DLG2: variants seen among roughly 807,000 people sequenced by gnomAD.
DLG2 encodes discs large MAGUK scaffold protein 2.
Under a neutral mutation model 132.5 loss-of-function variants are expected in DLG2, and 45 were observed. The observed-to-expected ratio is 0.34, with a 90% confidence interval of 0.27 to 0.44. The LOEUF (loss-of-function observed/expected upper bound fraction) is 0.44, where lower values mean the gene tolerates loss of function less well. DLG2 is among the 20% of genes least tolerant of loss of function. The pLI is 1.00. For missense variants in DLG2, 1,045 were observed against 1,196.9 expected (o/e 0.87, Z 1.87); for synonymous variants, 424 against 419.6 (o/e 1.01, Z -0.13).
intron 4 of DLG2, among the ~76,000 whole-genome samples, chr11:85,248,200 T>A (rs1024177315): frequency 2.0e-5 from 3 of 152,074 alleles, no homozygotes; most frequent in Non-Finnish European, 4.4e-5. Context: ...ACAAACGAAC[T>A]GAGGCCTGGT....
intron 7 of DLG2, among the ~76,000 whole-genome samples, chr11:84,342,242 G>A (rs1230527833): frequency 6.6e-6 from 1 of 152,028 alleles, no homozygotes; most frequent in Non-Finnish European, 1.5e-5. Flanking sequence ...ATCCCAACTG[G>A]GGAGAAATGT....
intron 3 of DLG2, among the ~76,000 whole-genome samples, chr11:85,496,270 T>A (rs917319202): frequency 6.6e-6 from 1 of 152,178 alleles, no homozygotes; most frequent in African/African-American, 2.4e-5. Flanking sequence ...GCTCAGCAGG[T>A]CTCACTCCCA....
At chr11:84,058,998 C>G (rs1191099466) in intron 11 of DLG2, among the ~76,000 whole-genome samples, 2 of 151,890 alleles carry the variant, frequency 1.3e-5, no homozygotes, top group Non-Finnish European at 2.9e-5. Flanking sequence ...CCATTTGTAT[C>G]TGAAAAATTA....
At chr11:85,524,714 A>C (rs2074605630) in intron 3 of DLG2, among the ~76,000 whole-genome samples, 1 of 152,104 alleles carries the variant, frequency 6.6e-6, no homozygotes, top group African/African-American at 2.4e-5. Context: ...GGTGGGTCTC[A>C]AGCTCCTGGA....
chr11:84,127,277 C>T (rs993813218), intron 9 of DLG2, among the ~76,000 whole-genome samples: 28 of 152,274 alleles, frequency 1.8e-4, no homozygotes, highest in African/African-American at 5.1e-4. Flanking sequence ...TAGGATTGAA[C>T]TCTCAGCATA....
chr11:84,249,801 G>A (rs139334006), intron 8 of DLG2, among the ~76,000 whole-genome samples: 119 of 152,212 alleles, frequency 7.8e-4, no homozygotes, highest in African/African-American at 2.6e-3. Context: ...CCTTGTTTCC[G>A]GTCTGGTCCC....
intron 3 of DLG2, among the ~76,000 whole-genome samples, chr11:85,467,942 G>A (rs1396800241): frequency 6.6e-6 from 1 of 152,076 alleles, no homozygotes; most frequent in Non-Finnish European, 1.5e-5. Flanking sequence ...TCTGGTCCTG[G>A]ACTTTTTTTG....
intron 7 of DLG2, among the ~76,000 whole-genome samples, chr11:84,274,947 T>C (rs1383550965): frequency 6.6e-6 from 1 of 152,204 alleles, no homozygotes; most frequent in Non-Finnish European, 1.5e-5. Flanking sequence ...TTCTTCTCCA[T>C]GCATTGTCGA....
intron 6 of DLG2, among the ~76,000 whole-genome samples, chr11:84,885,004 A>G (rs1372343505): frequency 6.6e-6 from 1 of 152,018 alleles, no homozygotes. Context: ...AACCAACAAC[A>G]TCATCATGGC....
In DLG2 at chr11:83,633,204, T is replaced by C. The variant is rs367792538; in HGVS notation, c.1940+7A>G. 6.1e-5 allele frequency: 98 copies of C among 1,612,716 alleles called. No homozygotes were observed. The highest frequency in any genetic ancestry group is 7.1e-5 in the Non-Finnish European group (84 of 1,178,962). ...AAGTGCAGATAGAGAAATACTCCTT[T>C]GCCTACCTGACGTAGAGGGAGCGTT... On this transcript the variant is annotated splice_region_variant and intron_variant, in intron 19 of 27. Transcript: ENST00000376104.
At chr11:84,269,384 C>T (rs184932269) in intron 7 of DLG2, among the ~76,000 whole-genome samples, 1 of 152,190 alleles carries the variant, frequency 6.6e-6, no homozygotes, top group Non-Finnish European at 1.5e-5. Flanking sequence ...CTGTTTCCTC[C>T]ACTTGGAATG....
At chr11:84,692,161 G>A (rs1158616289) in intron 6 of DLG2, among the ~76,000 whole-genome samples, 2 of 151,650 alleles carry the variant, frequency 1.3e-5, no homozygotes, top group African/African-American at 4.8e-5. Context: ...ATGAATGTGA[G>A]CCTACTTAAA....
At chr11:85,502,106 A>G (rs2093818225) in intron 3 of DLG2, among the ~76,000 whole-genome samples, 1 of 152,098 alleles carries the variant, frequency 6.6e-6, no homozygotes, top group Non-Finnish European at 1.5e-5. Context: ...GGATGAGTTA[A>G]TGTCCTTTGC....
At chr11:84,230,524 T>C (rs1214343867) in intron 8 of DLG2, among the ~76,000 whole-genome samples, 1 of 152,194 alleles carries the variant, frequency 6.6e-6, no homozygotes, top group Admixed American at 6.5e-5. Context: ...ATGCATTGAG[T>C]AGCTGTGATT....
intron 14 of DLG2, among the ~76,000 whole-genome samples, chr11:83,934,918 C>T (rs116037339): frequency 0.015 from 2,237 of 152,168 alleles, 55 homozygotes; most frequent in African/African-American, 0.049. Context: ...TCTCTTTTCC[C>T]GAGCCAGAAC....
At chr11:84,562,512 T>C (rs934255211) in intron 6 of DLG2, among the ~76,000 whole-genome samples, 3 of 152,108 alleles carry the variant, frequency 2.0e-5, no homozygotes, top group Admixed American at 1.3e-4. Context: ...TTGAAAATTA[T>C]ACCCTGTATT....
intron 11 of DLG2, among the ~76,000 whole-genome samples, chr11:83,997,443 T>C (rs1488255584): frequency 2.0e-5 from 3 of 152,062 alleles, no homozygotes; most frequent in Admixed American, 6.6e-5. Flanking sequence ...GTAAAGACTA[T>C]GCCAAATAAG....
chr11:84,816,643 C>G (rs375698687), intron 6 of DLG2, among the ~76,000 whole-genome samples: 1 of 151,748 alleles, frequency 6.6e-6, no homozygotes, highest in Non-Finnish European at 1.5e-5. Flanking sequence ...CTGTTATTAC[C>G]CTCACTTCAC....
intron 15 of DLG2, among the ~76,000 whole-genome samples, chr11:83,901,428 T>A (rs1207002245): frequency 6.6e-6 from 1 of 152,160 alleles, no homozygotes; most frequent in East Asian, 1.9e-4. Flanking sequence ...AGGGTCCCAG[T>A]GGAAGAGAAT....
Sources: gnomAD v4.1 joint callset for allele counts (sites outside exome capture counted in the v4.1 genomes callset) on GRCh38, gnomAD v4.1.1 for gene constraint, MANE v1.5 for transcripts, NCBI Gene and HGNC (gene_info 2026-07-23, HGNC 2026-07-21) for gene names.